Variants in SLC4A5 observed in about 807,000 individuals in gnomAD.
SLC4A5 encodes the protein solute carrier family 4 member 5, also known as electrogenic sodium bicarbonate cotransporter 4.
SLC4A5 carries 96 observed loss-of-function variants against 120.4 expected under a neutral mutation model. The ratio of observed to expected loss-of-function variants is 0.80; its 90% CI spans 0.68 to 0.94. The LOEUF is 0.94. Ranked by LOEUF, SLC4A5 falls within the 40% of genes least tolerant of loss-of-function variation. The pLI, the probability that SLC4A5 is intolerant of heterozygous loss-of-function variation, is 0.00. For missense variants in SLC4A5, 1,259 were observed against 1,459.5 expected, an observed-to-expected ratio of 0.86 and a Z score of 2.24; for synonymous variants, 550 against 571.1, an observed-to-expected ratio of 0.96 and a Z score of 0.53.
exon 19 of SLC4A5, chr2:74,247,292 G>C (rs1034317279): frequency 6.2e-7 from 1 of 1,613,054 alleles, no homozygotes; most frequent in African/African-American, 1.3e-5. Flanking sequence ...ACTCCATGTA[G>C]TCCAGGCCAT....
At chr2:74,235,487 G>A (rs1319306221) in intron 21 of SLC4A5, among the ~76,000 whole-genome samples, 2 of 152,190 alleles carry the variant, frequency 1.3e-5, no homozygotes, top group African/African-American at 2.4e-5. Context: ...CATTTAGAGT[G>A]CTTGGCATAT....
intron 25 of SLC4A5, among the ~76,000 whole-genome samples, chr2:74,228,388 G>T (rs1429574657): frequency 1.3e-5 from 2 of 152,292 alleles, no homozygotes; most frequent in Non-Finnish European, 2.9e-5. Context: ...AGCACTTTGG[G>T]AGGCCAAGGC....
At chr2:74,291,922 T>C (rs1429392151) in intron 7 of SLC4A5, among the ~76,000 whole-genome samples, 2 of 152,192 alleles carry the variant, frequency 1.3e-5, no homozygotes, top group African/African-American at 4.8e-5. Context: ...AGTCAGGCCC[T>C]GTGGGTGGCC....
intron 8 of SLC4A5, among the ~76,000 whole-genome samples, chr2:74,282,271 T>A (rs1056416219): frequency 3.9e-5 from 6 of 152,196 alleles, no homozygotes; most frequent in African/African-American, 1.4e-4. Context: ...GGGTTAGCTG[T>A]AGAGAGTAGA....
intron 28 of SLC4A5, among the ~76,000 whole-genome samples, chr2:74,224,321 T>G (rs1694764971): frequency 6.6e-6 from 1 of 152,128 alleles, no homozygotes. Context: ...GTAGCCAGTC[T>G]CCTTTTGGCG....
chr2:74,276,060 G>A (rs1004725955), intron 8 of SLC4A5, among the ~76,000 whole-genome samples: 2 of 152,120 alleles, frequency 1.3e-5, no homozygotes, highest in Middle Eastern at 3.2e-3. Flanking sequence ...GCCTGTTTTT[G>A]TATGGCCAGC....
At chr2:74,234,440 G>T (rs1204562453) in intron 22 of SLC4A5, among the ~76,000 whole-genome samples, 1 of 152,182 alleles carries the variant, frequency 6.6e-6, no homozygotes, top group Non-Finnish European at 1.5e-5. Flanking sequence ...GCCTCCCAAA[G>T]TTCTGGGATT....
At chr2:74,252,114 G>A in intron 16 of SLC4A5, 65 bp downstream of exon 16, 1 of 1,544,930 alleles carries the variant, frequency 6.5e-7, no homozygotes, top group South Asian at 1.2e-5. Context: ...AAAGTCCCTA[G>A]AGGGCAGCTG....
chr2:74,252,178 C>A lies in SLC4A5; in HGVS notation c.1478+1G>T, dbSNP rs962340367. On this transcript the variant is annotated splice_donor_variant, in intron 16 of 30. Coordinates refer to ENST00000394019, the Ensembl canonical transcript of SLC4A5. LOFTEE classifies it high-confidence loss of function. The stretch of plus-strand genomic sequence containing the variant: ...GTCACTGGGAGGCCTGGGGTGGGCA[C>A]CTTCCTGTCCAGATAAGTTCCTCCC... 1 of 1,612,142 alleles carries A rather than the reference C, an allele frequency of 6.2e-7. No individual in the cohort carries two copies. Among genetic ancestry groups the A allele is most frequent in the South Asian group, 1.1e-5 (1 of 90,980 alleles).
In SLC4A5 at chr2:74,341,142, T is replaced by C. The variant is rs1673615278; in HGVS notation, c.-270+1316A>G. Among the ~76,000 whole-genome samples, 2 of 152,000 alleles carry C rather than the reference T, an allele frequency of 1.3e-5. 1 individual carries two copies. Among genetic ancestry groups the C allele is most frequent in the South Asian group, 4.2e-4 (2 of 4,796 alleles). On this transcript the variant is annotated intron_variant, in intron 2 of 30. Coordinates refer to ENST00000394019, the Ensembl canonical transcript of SLC4A5. ...CAACATGGTGAAACCCCATCTCTAC[T>C]AAAAATACAAAAATTAGTTGGGCGT... is the stretch of plus-strand genomic sequence containing the variant.
At chr2:74,297,686 C>A (rs910006477) in intron 7 of SLC4A5, among the ~76,000 whole-genome samples, 15 of 152,216 alleles carry the variant, frequency 9.9e-5, no homozygotes, top group Non-Finnish European at 1.3e-4. Context: ...GAAACCCTGG[C>A]TCCTACTGAC....
chr2:74,322,269 T>C (rs1055643134), intron 5 of SLC4A5, among the ~76,000 whole-genome samples: 2 of 152,100 alleles, frequency 1.3e-5, no homozygotes, highest in African/African-American at 2.4e-5. Context: ...AACTGACACA[T>C]AATGGATGAC....
intron 15 of SLC4A5, 149 bp from the exon 16 acceptor site, chr2:74,252,537 G>C: frequency 1.1e-6 from 1 of 887,460 alleles, no homozygotes; most frequent in Middle Eastern, 3.5e-4. Context: ...TTTTACAAAT[G>C]TTCACATTTA....
intron 8 of SLC4A5, among the ~76,000 whole-genome samples, chr2:74,272,322 T>C (rs1671499295): frequency 6.6e-6 from 1 of 152,306 alleles, no homozygotes; most frequent in South Asian, 2.1e-4. Context: ...GAATTTTCCA[T>C]AATAAAATCC....
chr2:74,297,558 G>T (rs1672369824), intron 7 of SLC4A5, among the ~76,000 whole-genome samples: 1 of 152,152 alleles, frequency 6.6e-6, no homozygotes. Context: ...GTTCTTATTA[G>T]CAGCCTAGAA....
intron 21 of SLC4A5, 78 bp downstream of exon 21, chr2:74,239,257 C>T (rs1193194002): frequency 8.0e-6 from 11 of 1,374,376 alleles, no homozygotes; most frequent in Admixed American, 1.7e-5. Context: ...TCCATCCTGT[C>T]GGTGGACCAG....
intron 12 of SLC4A5, among the ~76,000 whole-genome samples, chr2:74,257,450 C>T (rs190207696): frequency 7.6e-4 from 115 of 152,194 alleles, no homozygotes; most frequent in African/African-American, 2.6e-3. Context: ...GCCACCGTCT[C>T]CGAGCATCAG....
chr2:74,241,866 T>C, intron 20 of SLC4A5, 128 bp downstream of exon 20: 5 of 697,452 alleles, frequency 7.2e-6, no homozygotes, highest in Non-Finnish European at 1.2e-5. Flanking sequence ...CAGGTGACCC[T>C]GACGTGCAGC....
intron 30 of SLC4A5, among the ~76,000 whole-genome samples, chr2:74,219,297 A>G (rs1046172822): frequency 1.3e-5 from 2 of 149,582 alleles, no homozygotes; most frequent in African/African-American, 2.5e-5. Flanking sequence ...GCCCCGCTCT[A>G]TGTCTGGCAG....
Sources: gnomAD v4.1 joint callset for allele counts (sites outside exome capture counted in the v4.1 genomes callset) on GRCh38, gnomAD v4.1.1 for gene constraint, MANE v1.5 for transcripts, NCBI Gene and HGNC (gene_info 2026-07-23, HGNC 2026-07-21) for gene names.